The following MGAM2 variants were observed in gnomAD, a reference collection of about 807,000 sequenced individuals.
The protein encoded by MGAM2 is maltase-glucoamylase 2 (putative).
Under a neutral mutation model 96.1 loss-of-function variants are expected in MGAM2, and 98 were observed. The observed-to-expected ratio is 1.02, with a 90% CI of 0.87 to 1.21. The LOEUF is 1.21. Ranked by LOEUF, MGAM2 falls within the 50% of genes most tolerant of loss-of-function variation. The pLI is 0.00. For synonymous variants in MGAM2, 749 were observed against 414.8 expected (o/e 1.81, Z -9.79); for missense variants, 2,055 against 1,182.4 (o/e 1.74, Z -10.82).
Position 142,175,417 on chromosome 7 carries a change from A to G in MGAM2, c.3688-235A>G, listed in dbSNP as rs368291150. On this transcript the variant is annotated intron_variant, in intron 31 of 47. Transcript: ENST00000477922. ...GGAAAGGAAAGGGGATAGAGTTCCAATTGGGGAAACAGAAGGAGAAGGAGT... is the reference window on the plus strand; with the variant it reads ...GGAAAGGAAAGGGGATAGAGTTCCAGTTGGGGAAACAGAAGGAGAAGGAGT... Among the ~76,000 whole-genome samples, 65 of 150,220 alleles carry G rather than the reference A, an allele frequency of 4.3e-4. 1 individual carries two copies. Among genetic ancestry groups the G allele is most frequent in the African/African-American group, 1.5e-3 (61 of 40,878 alleles).
chr7:142,157,914 C>G, intron 17 of MGAM2, 23 bp from the exon 18 acceptor site: 2 of 701,432 alleles, frequency 2.9e-6, no homozygotes, highest in Non-Finnish European at 5.2e-6. Context: ...AAATATTCAG[C>G]CATTCCTTCC....
chr7:142,114,644 T>C (rs1470900880), intron 1 of MGAM2, among the ~76,000 whole-genome samples: 1 of 152,126 alleles, frequency 6.6e-6, no homozygotes, highest in Non-Finnish European at 1.5e-5. Context: ...ATTGGTGGAA[T>C]GAAATTTTTG....
intron 7 of MGAM2, among the ~76,000 whole-genome samples, chr7:142,136,059 A>G (rs1408743684): frequency 6.6e-6 from 1 of 152,166 alleles, no homozygotes; most frequent in Non-Finnish European, 1.5e-5. Context: ...GAGCACATAT[A>G]CTGAGTTAGA....
rs1585183234 is a variant in MGAM2 at position 142,170,063 on chromosome 7, T to C, written c.3028-12T>C. ...GACCCTAACAGAAAGTTTTCTTCTC[T>C]CTTCTTGCCAGATCTATGACCCCAC... is the stretch of plus-strand genomic sequence containing the variant. On this transcript the variant is annotated splice_polypyrimidine_tract_variant and intron_variant, in intron 26 of 47. Transcript: ENST00000477922. 2.9e-6 allele frequency: 2 copies of C among 690,328 alleles called. No homozygotes were observed. The highest frequency in any genetic ancestry group is 5.4e-5 in the East Asian group (2 of 37,100). 42.8% of individuals were successfully genotyped at this position (690,328 alleles called of 1,614,324 possible).
chr7:142,123,352 A>T (rs1410225716), intron 3 of MGAM2, among the ~76,000 whole-genome samples: 1 of 152,060 alleles, frequency 6.6e-6, no homozygotes, highest in Non-Finnish European at 1.5e-5. Flanking sequence ...AGTCTATAGG[A>T]TATGTACATG....
chr7:142,120,661 G>T (rs1794542772), intron 3 of MGAM2, among the ~76,000 whole-genome samples: 1 of 152,212 alleles, frequency 6.6e-6, no homozygotes, highest in Admixed American at 6.5e-5. Flanking sequence ...CCTTAGGTGT[G>T]ATTCCAAGGA....
At chr7:142,147,395 C>T in intron 14 of MGAM2, 61 bp from the exon 15 acceptor site, 3 of 654,042 alleles carry the variant, frequency 4.6e-6, no homozygotes, top group Non-Finnish European at 8.3e-6. Flanking sequence ...AATAGTTGGG[C>T]CGCTAATTTG....
At chr7:142,172,258 G>T in intron 29 of MGAM2, 64 bp downstream of exon 29, 1 of 640,712 alleles carries the variant, frequency 1.6e-6, no homozygotes. Flanking sequence ...ATTTTGACCT[G>T]GTATCAATAG....
intron 13 of MGAM2, chr7:142,144,087 A>C (rs879509062): frequency 3.3e-5 from 12 of 367,216 alleles, no homozygotes; most frequent in Non-Finnish European, 5.9e-5. Flanking sequence ...TGCATCTTTC[A>C]TCAACTGGTT....
Position 142,197,564 on chromosome 7 carries a change from T to C in MGAM2, c.4781+16T>C. ...TTCTCCATGAGTGAGTACAGCCTCT[T>C]TCCCCAAGCATGTCTTGCAAATAAT... On this transcript the variant is annotated intron_variant, in intron 41 of 47. Coordinates refer to ENST00000477922, the MANE Select transcript of MGAM2 (RefSeq NM_001293626.2). The C allele has an allele frequency of 1.4e-6, 1 of 703,176 alleles. No homozygotes were observed. The highest frequency in any genetic ancestry group is 2.7e-5 in the East Asian group (1 of 37,290). 43.6% of individuals were successfully genotyped at this position (703,176 alleles called of 1,614,324 possible).
intron 7 of MGAM2, among the ~76,000 whole-genome samples, chr7:142,135,200 C>T (rs752711222): frequency 1.3e-5 from 2 of 152,176 alleles, no homozygotes; most frequent in Non-Finnish European, 2.9e-5. Context: ...TAACCTGTAG[C>T]CCAGCTACCA....
chr7:142,152,969 TTTTAA>T (rs1244003732), intron 15 of MGAM2, among the ~76,000 whole-genome samples: 1 of 149,852 alleles, frequency 6.7e-6, no homozygotes, highest in Non-Finnish European at 1.5e-5. Flanking sequence ...AATTCTGTGC[TTTTAA>T]TTTCTTTGCT....
Position 142,183,349 on chromosome 7 carries a change from C to G in MGAM2, c.3900C>G (p.Asp1300Glu), listed in dbSNP as rs1796597821. The G allele has an allele frequency of 1.4e-6, 1 of 703,060 alleles. No individual in the cohort carries two copies. The highest frequency in any genetic ancestry group is 1.7e-5 in the African/African-American group (1 of 57,360). The allele number at this position is 703,060 out of a possible 1,614,324, so 43.6% of individuals were successfully genotyped here. A position where few individuals can be genotyped will look rare whatever the true frequency, so the allele number is the denominator to read the frequency against. Residue 1300 changes from aspartate to glutamate, a missense_variant, in exon 33 of 48, where the codon GAC (aspartate) becomes GAG (glutamate). By Grantham distance (45) the Asp-to-Glu change is conservative (BLOSUM62 2). Coordinates refer to ENST00000477922, the MANE Select transcript of MGAM2 (RefSeq NM_001293626.2). The stretch of plus-strand genomic sequence containing the variant: ...ATAACGTGTTCATCAAATGGCCTGA[C>G]ACCAATGACATTGTCTGGGGAAAGG... ...QENNVFIKWP[D>E]TNDIVWGKVW...
At chr7:142,217,490 G>A (rs911566491) in intron 46 of MGAM2, among the ~76,000 whole-genome samples, 2 of 152,066 alleles carry the variant, frequency 1.3e-5, no homozygotes, top group Admixed American at 1.3e-4. Flanking sequence ...ATGATATAGG[G>A]AAAATAACTT....
intron 3 of MGAM2, among the ~76,000 whole-genome samples, chr7:142,125,469 G>A (rs564411491): frequency 2.6e-5 from 4 of 152,248 alleles, no homozygotes; most frequent in Admixed American, 2.6e-4. Flanking sequence ...ACTGACCCCA[G>A]TTTCAGAGGG....
Position 142,169,990 on chromosome 7 carries a change from A to C in MGAM2, c.3028-85A>C. On this transcript the variant is annotated intron_variant, in intron 26 of 47. Transcript: ENST00000477922. The stretch of plus-strand genomic sequence containing the variant: ...CTGATATGGTGCAAACTGGTCAAAA[A>C]CATGGAAACTGAATTATATGGGGTG... 18 of 612,218 alleles carry C rather than the reference A, an allele frequency of 2.9e-5. No homozygotes were observed. In the South Asian group the frequency reaches 3.5e-4, roughly 12 times the overall value. 37.9% of individuals were successfully genotyped at this position (612,218 alleles called of 1,614,324 possible). A position where few individuals can be genotyped will look rare whatever the true frequency, so the allele number is the denominator to read the frequency against.
At chr7:142,164,767 T>A (rs1318965678) in intron 23 of MGAM2, 89 bp from the exon 24 acceptor site, 2 of 563,016 alleles carry the variant, frequency 3.6e-6, no homozygotes, top group East Asian at 6.0e-5. Context: ...ACAGCTTGGA[T>A]CACAGAAATT....
chr7:142,144,191 T>C (rs902004090), intron 13 of MGAM2, among the ~76,000 whole-genome samples: 2 of 152,194 alleles, frequency 1.3e-5, no homozygotes, highest in African/African-American at 4.8e-5. Context: ...TGCTACTATT[T>C]GTAGCATTGA....
At chr7:142,142,534 T>TTTTTTTG (rs1289102256) in intron 12 of MGAM2, among the ~76,000 whole-genome samples, 8 of 141,740 alleles carry the variant, frequency 5.6e-5, no homozygotes, top group African/African-American at 7.9e-5. Context: ...GTTTTTTTTT[T>TTTTTTTG]TTTTTTTTTT....
Sources: gnomAD v4.1 joint callset for allele counts (sites outside exome capture counted in the v4.1 genomes callset) on GRCh38, gnomAD v4.1.1 for gene constraint, MANE v1.5 for transcripts, NCBI Gene and HGNC (gene_info 2026-07-23, HGNC 2026-07-21) for gene names.